Variants in LAMA2 observed in about 807,000 individuals in gnomAD.
LAMA2 encodes laminin subunit alpha 2.
In LAMA2, 269 loss-of-function variants were observed where a neutral mutation model predicts 364.8. The ratio of observed to expected loss-of-function variants is 0.74; its 90% confidence interval spans 0.67 to 0.82. The LOEUF (loss-of-function observed/expected upper bound fraction) is 0.82, where lower values mean the gene tolerates loss of function less well. Among genes scored for constraint, LAMA2 ranks in the 40% least tolerant of loss-of-function variants. LAMA2 has a pLI of 0.00. For synonymous variants in LAMA2, 1,379 were observed against 1,370.6 expected, an observed-to-expected ratio of 1.01 and a Z score of -0.14; for missense variants, 3,807 against 3,873.2, an observed-to-expected ratio of 0.98 and a Z score of 0.45.
intron 3 of LAMA2, among the ~76,000 whole-genome samples, chr6:129,086,124 A>G (rs1774369539): frequency 6.6e-6 from 1 of 152,246 alleles, no homozygotes; most frequent in African/African-American, 2.4e-5. Flanking sequence ...TCTCTTTTGC[A>G]AGTCTTCGTT....
intron 32 of LAMA2, among the ~76,000 whole-genome samples, chr6:129,357,639 G>A (rs945291118): frequency 5.9e-5 from 9 of 151,948 alleles, no homozygotes; most frequent in Admixed American, 5.3e-4. Flanking sequence ...TGTAAAATTG[G>A]CAACTTCCAA....
chr6:129,458,079 G>T (rs926963131), intron 48 of LAMA2, among the ~76,000 whole-genome samples: 1 of 152,078 alleles, frequency 6.6e-6, no homozygotes, highest in African/African-American at 2.4e-5. Context: ...TTCTCATTCT[G>T]TAGTTAAGGA....
chr6:129,398,472 C>CTTTTTTTTTTTTT (rs71028159), intron 37 of LAMA2, among the ~76,000 whole-genome samples: 11 of 110,546 alleles, frequency 1.0e-4, no homozygotes, highest in African/African-American at 1.8e-4. Context: ...CTTTTCTTTT[C>CTTTTTTTTTTTTT]TTTTTTTTTT....
intron 45 of LAMA2, among the ~76,000 whole-genome samples, 158 bp downstream of exon 45, chr6:129,445,979 G>A (rs927474645): frequency 6.6e-6 from 1 of 152,088 alleles, no homozygotes; most frequent in East Asian, 1.9e-4. Flanking sequence ...TGGGGGAGAG[G>A]TTAGTTTTGT....
chr6:129,393,768 T>C (rs1312652700), intron 37 of LAMA2, among the ~76,000 whole-genome samples: 3 of 152,216 alleles, frequency 2.0e-5, no homozygotes, highest in Non-Finnish European at 4.4e-5. Context: ...ATCATAGAAG[T>C]TCCCTACACT....
intron 1 of LAMA2, among the ~76,000 whole-genome samples, chr6:128,921,295 A>G (rs1778697045): frequency 6.6e-6 from 1 of 152,216 alleles, no homozygotes; most frequent in Admixed American, 6.5e-5. Flanking sequence ...CAGAAGATGA[A>G]AGTGGGAAGC....
At chr6:129,163,378 A>T (rs1779557533) in intron 8 of LAMA2, among the ~76,000 whole-genome samples, 1 of 152,190 alleles carries the variant, frequency 6.6e-6, no homozygotes. Flanking sequence ...TCACCCCAGG[A>T]ATCCCAGTAC....
At chr6:129,305,780 C>A (rs1203276858) in intron 22 of LAMA2, among the ~76,000 whole-genome samples, 42 of 150,922 alleles carry the variant, frequency 2.8e-4, no homozygotes, top group Non-Finnish European at 1.5e-5. Flanking sequence ...ATTAAGCCTG[C>A]ACTTTGCTAT....
intron 4 of LAMA2, among the ~76,000 whole-genome samples, chr6:129,132,946 C>T (rs1165918483): frequency 6.6e-6 from 1 of 152,160 alleles, no homozygotes; most frequent in Non-Finnish European, 1.5e-5. Flanking sequence ...AATTTGAACA[C>T]AAGCAATTTG....
intron 62 of LAMA2, 67 bp from the exon 63 acceptor site, chr6:129,512,295 AT>A (rs1786650852): frequency 7.0e-7 from 1 of 1,429,136 alleles, no homozygotes; most frequent in African/African-American, 1.4e-5. Context: ...AAAGTCATGC[AT>A]TGTACACGTT....
chr6:128,991,285 T>G (rs78608016), intron 1 of LAMA2, among the ~76,000 whole-genome samples: 3,167 of 152,296 alleles, frequency 0.021, 113 homozygotes, highest in African/African-American at 0.071. Context: ...GCAATTTATA[T>G]CAACTGACAC....
chr6:129,425,245 G>A (rs771368320), intron 40 of LAMA2, among the ~76,000 whole-genome samples: 4 of 151,906 alleles, frequency 2.6e-5, no homozygotes, highest in Non-Finnish European at 5.9e-5. Flanking sequence ...GGTTTGCATG[G>A]TTTATTTATG....
intron 3 of LAMA2, among the ~76,000 whole-genome samples, chr6:129,072,401 C>G (rs1773375947): frequency 6.6e-6 from 1 of 151,692 alleles, no homozygotes; most frequent in Non-Finnish European, 1.5e-5. Context: ...TTCCTTTTTT[C>G]TCTGTGTTTG....
intron 1 of LAMA2, among the ~76,000 whole-genome samples, chr6:128,975,663 C>T (rs1485327179): frequency 2.0e-5 from 3 of 152,030 alleles, no homozygotes; most frequent in Non-Finnish European, 4.4e-5. Context: ...ATGCTTTTCT[C>T]ATGATAGTGA....
chr6:129,123,597 T>A (rs749767376), intron 4 of LAMA2, among the ~76,000 whole-genome samples: 1 of 151,982 alleles, frequency 6.6e-6, no homozygotes, highest in South Asian at 2.1e-4. Flanking sequence ...GTGGACAACA[T>A]GAAGGACATT....
chr6:128,918,991 G>T (rs1778525662), intron 1 of LAMA2, among the ~76,000 whole-genome samples: 1 of 152,102 alleles, frequency 6.6e-6, no homozygotes, highest in African/African-American at 2.4e-5. Context: ...TGGAGATCAG[G>T]AATCCTTCCT....
chr6:129,514,112 GAAT>G (rs1323176269), intron 63 of LAMA2, among the ~76,000 whole-genome samples: 11 of 152,074 alleles, frequency 7.2e-5, no homozygotes. Context: ...TCTGAAAGCA[GAAT>G]TATTACCAGC....
intron 55 of LAMA2, among the ~76,000 whole-genome samples, chr6:129,485,247 CTCCTCTTCAAGA>C (rs1027283027): frequency 2.0e-5 from 3 of 152,140 alleles, no homozygotes; most frequent in African/African-American, 7.2e-5. Context: ...CTCCAAATTT[CTCCTCTTCAAGA>C]TAAAAGAAAT....
At chr6:129,458,093 T>C (rs915357121) in intron 48 of LAMA2, among the ~76,000 whole-genome samples, 6 of 152,090 alleles carry the variant, frequency 3.9e-5, no homozygotes, top group African/African-American at 1.4e-4. Flanking sequence ...TTAAGGAATC[T>C]GAAGAAGAGA....
Sources: gnomAD v4.1 joint callset for allele counts (sites outside exome capture counted in the v4.1 genomes callset) on GRCh38, gnomAD v4.1.1 for gene constraint, MANE v1.5 for transcripts, NCBI Gene and HGNC (gene_info 2026-07-23, HGNC 2026-07-21) for gene names.